Variants in ANKRD46 observed in about 807,000 individuals in gnomAD.
The protein encoded by ANKRD46 is ankyrin repeat domain-containing protein 46.
In ANKRD46, 13 loss-of-function variants were observed where a neutral mutation model predicts 19.8. The observed-to-expected ratio is 0.66, with a 90% CI of 0.43 to 1.04. The LOEUF (loss-of-function observed/expected upper bound fraction) is 1.04, where lower values mean the gene tolerates loss of function less well. Ranked by LOEUF, ANKRD46 falls within the 50% of genes least tolerant of loss-of-function variation. The pLI is 0.00. For missense variants in ANKRD46, 185 were observed against 274.8 expected, an observed-to-expected ratio of 0.67 and a Z score of 2.31; for synonymous variants, 91 against 106.9, an observed-to-expected ratio of 0.85 and a Z score of 0.92.
At position 100,544,381 on chromosome 8, in the gene ANKRD46, T is replaced by C. The variant is rs1473681698; in HGVS notation, c.-130-11070A>G. Among the ~76,000 whole-genome samples the C allele has an allele frequency of 1.3e-5, 2 of 152,140 alleles. No homozygotes were observed. The highest frequency in any genetic ancestry group is 4.8e-5 in the African/African-American group (2 of 41,424). ...TGGAGAAAAGACTATAATCAACATC[T>C]AGAAAGAAGTGAGCATTGGATCAAA... is the stretch of plus-strand genomic sequence containing the variant. On this transcript the variant is annotated intron_variant, in intron 1 of 4. Transcript: ENST00000335659. This position sits in a 1 kb window ranked among gnomAD's most constrained non-coding sequence, Gnocchi z 4.4.
rs1368162699 is a variant in ANKRD46, at chr8:100,544,707, T to A, written c.-130-11396A>T. ...AGTTTCCTCATTTGCAAAACTGAGA[T>A]AATATCTGTCTTACCTACTTCACAA... On this transcript the variant is annotated intron_variant, in intron 1 of 4. Coordinates refer to ENST00000335659, the MANE Select transcript of ANKRD46 (RefSeq NM_001270377.2). This position sits in a 1 kb window ranked among gnomAD's most constrained non-coding sequence, Gnocchi z 4.4. Among the ~76,000 whole-genome samples the A allele has an allele frequency of 6.6e-6, 1 of 152,242 alleles. No homozygotes were observed. The highest frequency in any genetic ancestry group is 1.5e-5 in the Non-Finnish European group (1 of 68,034).
intron 1 of ANKRD46, chr8:100,551,606 G>A: frequency 1.3e-6 from 1 of 745,962 alleles, no homozygotes; most frequent in East Asian, 3.2e-5. Context: ...GGTCAATGAA[G>A]GGTCATTGAT....
intron 5 of ANKRD46, among the ~76,000 whole-genome samples, chr8:100,512,209 C>A (rs975585565): frequency 6.6e-6 from 1 of 152,162 alleles, no homozygotes; most frequent in Non-Finnish European, 1.5e-5. Flanking sequence ...AGCATCATTT[C>A]GAGGGTGGGG....
intron 1 of ANKRD46, among the ~76,000 whole-genome samples, chr8:100,555,417 A>G (rs1042289621): frequency 1.6e-4 from 24 of 151,806 alleles, no homozygotes; most frequent in African/African-American, 5.8e-4. Flanking sequence ...CTGTGCTCTC[A>G]GGGACATACA....
At chr8:100,551,454 C>G (rs1298909190) in intron 1 of ANKRD46, 3 of 673,682 alleles carry the variant, frequency 4.5e-6, no homozygotes, top group Non-Finnish European at 8.3e-6. Context: ...TCAGCATCAC[C>G]CCATTTGATT....
chr8:100,534,232 TA>T lies in ANKRD46; in HGVS notation c.-130-922del, dbSNP rs2130668127. 6.6e-6 allele frequency among the ~76,000 whole-genome samples: 1 copy of T among 152,336 alleles called. No individual in the cohort carries two copies. Among genetic ancestry groups the T allele is most frequent in the African/African-American group, 2.4e-5 (1 of 41,586 alleles). ...TATAGGGAAATAATTAATGGTATTT[TA>T]CAAAGCTCCATTTACAATATGTAAG... On this transcript the variant is annotated intron_variant, in intron 1 of 4. Coordinates refer to ENST00000335659, the MANE Select transcript of ANKRD46 (RefSeq NM_001270377.2). The surrounding 1 kb of genome is among the most constrained non-coding windows in gnomAD (Gnocchi z 4.2).
chr8:100,537,046 C>A lies in ANKRD46; in HGVS notation c.-130-3735G>T, dbSNP rs2130674807. On this transcript the variant is annotated intron_variant, in intron 1 of 4. Coordinates refer to ENST00000335659, the MANE Select transcript of ANKRD46 (RefSeq NM_001270377.2). This position sits in a 1 kb window ranked among gnomAD's most constrained non-coding sequence, Gnocchi z 4.2. ...GGTTTTGATGGAAGCTTGTGATTCACTGACTTGATGAAAAGTCATGCCTAA... is the reference window on the plus strand; with the variant it reads ...GGTTTTGATGGAAGCTTGTGATTCAATGACTTGATGAAAAGTCATGCCTAA... Among the ~76,000 whole-genome samples the A allele has an allele frequency of 6.6e-6, 1 of 152,316 alleles. No homozygotes were observed. Among genetic ancestry groups the A allele is most frequent in the Non-Finnish European group, 1.5e-5 (1 of 68,026 alleles).
At chr8:100,555,722 TAAAA>T (rs59521764) in intron 1 of ANKRD46, among the ~76,000 whole-genome samples, 1 of 53,264 alleles carries the variant, frequency 1.9e-5, no homozygotes, top group Non-Finnish European at 3.3e-5. Flanking sequence ...TTTCCTCAGC[TAAAA>T]AAAAAAAAAA....
chr8:100,538,136 G>A (rs1330565448), intron 1 of ANKRD46, among the ~76,000 whole-genome samples: 3 of 152,132 alleles, frequency 2.0e-5, no homozygotes, highest in African/African-American at 7.2e-5. Context: ...ATTCTTTCCT[G>A]AATGTACACT....
Position 100,521,081 on chromosome 8 carries a change from G to T in ANKRD46, c.*1474C>A, listed in dbSNP as rs971124364. The T allele has an allele frequency of 2.0e-6, 2 of 984,944 alleles. No individual in the cohort carries two copies. Among genetic ancestry groups the T allele is most frequent in the Non-Finnish European group, 2.4e-6 (2 of 829,900 alleles). The allele number at this position is 984,944 out of a possible 1,614,324, so 61.0% of individuals were successfully genotyped here. On this transcript the variant is annotated 3_prime_UTR_variant, in exon 5 of 5. Coordinates refer to ENST00000335659, the MANE Select transcript of ANKRD46 (RefSeq NM_001270377.2). ...CTAACCTAAAAGCAAGACTCTGCAAGCTGATCCTGAAGCAGCCAGTTACTC... is the reference window on the plus strand; with the variant it reads ...CTAACCTAAAAGCAAGACTCTGCAATCTGATCCTGAAGCAGCCAGTTACTC...
chr8:100,517,574 C>T (rs1811654604), downstream of ANKRD46, among the ~76,000 whole-genome samples: 1 of 152,164 alleles, frequency 6.6e-6, no homozygotes, highest in Admixed American at 6.5e-5. Context: ...ACACCTATGC[C>T]TCTGGCTATG....
intron 1 of ANKRD46, chr8:100,554,507 C>G (rs897900475): frequency 2.0e-5 from 3 of 152,146 alleles, no homozygotes; most frequent in Non-Finnish European, 4.4e-5. Flanking sequence ...TCACTTGAGC[C>G]TAAGGATTCC....
rs1812352457 is a variant in ANKRD46 at position 100,550,071 on chromosome 8, T to C, written c.-131+9640A>G. Among the ~76,000 whole-genome samples the C allele has an allele frequency of 6.6e-6, 1 of 152,256 alleles. No individual in the cohort carries two copies. Among genetic ancestry groups the C allele is most frequent in the Non-Finnish European group, 1.5e-5 (1 of 68,036 alleles). ...TATTACAGTTTATCTGTTCACCTAC[T>C]GAAGGACATCTTGGTTGCTTCCATG... On this transcript the variant is annotated intron_variant, in intron 1 of 4. Transcript: ENST00000335659. This position sits in a 1 kb window ranked among gnomAD's most constrained non-coding sequence, Gnocchi z 4.4.
rs921383874 is a variant in ANKRD46, at chr8:100,537,175, T to C, written c.-130-3864A>G. 6.6e-6 allele frequency among the ~76,000 whole-genome samples: 1 copy of C among 152,160 alleles called. No homozygotes were observed. The highest frequency in any genetic ancestry group is 1.5e-5 in the Non-Finnish European group (1 of 68,014). On this transcript the variant is annotated intron_variant, in intron 1 of 4. Transcript: ENST00000335659. The surrounding 1 kb of genome is among the most constrained non-coding windows in gnomAD (Gnocchi z 4.2). ...TGGTTAAGGACTAATGGAGAGAATA[T>C]ATATACTTATAACTAAAAATTGTTC...
Position 100,510,027 on chromosome 8 carries a change from G to C in ANKRD46, c.*550C>G. 1 of 152,642 alleles carries C rather than the reference G, an allele frequency of 6.6e-6. No individual in the cohort carries two copies. Among genetic ancestry groups the C allele is most frequent in the Non-Finnish European group, 1.5e-5 (1 of 68,264 alleles). 9.5% of individuals were successfully genotyped at this position (152,642 alleles called of 1,614,324 possible). ...GTGGGAGTGAAGGGGCTCAGCCTTA[G>C]GGGCGGGAAGTCTTTTCTTCCACCC... On this transcript the variant is annotated 3_prime_UTR_variant, in exon 6 of 6. Transcript: ENST00000520552. The surrounding 1 kb of genome is among the most constrained non-coding windows in gnomAD (Gnocchi z 4.9).
downstream of ANKRD46, among the ~76,000 whole-genome samples, chr8:100,519,260 G>A (rs755494994): frequency 3.3e-5 from 5 of 152,240 alleles, no homozygotes; most frequent in Non-Finnish European, 7.3e-5. Flanking sequence ...CAATGAAACA[G>A]CTTGTTTGCA....
rs776461344 is a variant in ANKRD46, at chr8:100,553,822, T to C, written c.-131+5889A>G. On this transcript the variant is annotated intron_variant, in intron 1 of 4. Transcript: ENST00000335659. ...CATCATAATGTAATAAAAGAAAATA[T>C]AGGTTATTTGGCTAGTTTTAATATG... Among the ~76,000 whole-genome samples, 5 of 152,216 alleles carry C rather than the reference T, an allele frequency of 3.3e-5. No individual in the cohort carries two copies. The East Asian group carries it at 9.7e-4, about 29-fold the overall frequency.
At chr8:100,554,232 T>G (rs1812450169) in intron 1 of ANKRD46, among the ~76,000 whole-genome samples, 1 of 152,228 alleles carries the variant, frequency 6.6e-6, no homozygotes, top group African/African-American at 2.4e-5. Context: ...GACGTTAAAT[T>G]ATTTAAGGTT....
intron 1 of ANKRD46, among the ~76,000 whole-genome samples, chr8:100,558,321 C>T (rs1481775834): frequency 1.3e-5 from 2 of 152,148 alleles, no homozygotes; most frequent in African/African-American, 4.8e-5. Context: ...AAAATATTAA[C>T]TTACTATCAT....
Sources: gnomAD v4.1 joint callset for allele counts (sites outside exome capture counted in the v4.1 genomes callset) on GRCh38, gnomAD v4.1.1 for gene constraint, Gnocchi (gnomAD v3.1) non-coding constraint, MANE v1.5 for transcripts, NCBI Gene and HGNC (gene_info 2026-07-23, HGNC 2026-07-21) for gene names.